NCR3LG1: variants seen among roughly 807,000 people sequenced by gnomAD.
The protein encoded by NCR3LG1 is natural killer cell cytotoxicity receptor 3 ligand 1.
Under a neutral mutation model 34.8 loss-of-function variants are expected in NCR3LG1, and 35 were observed. The observed-to-expected ratio is 1.01, with a 90% CI of 0.77 to 1.33. The LOEUF (loss-of-function observed/expected upper bound fraction) is 1.33. Ranked by LOEUF, NCR3LG1 falls within the 40% of genes most tolerant of loss-of-function variation. The pLI, the probability that NCR3LG1 is intolerant of heterozygous loss-of-function variation, is 0.00. For synonymous variants in NCR3LG1, 173 were observed against 163.6 expected (o/e 1.06, Z -0.44); for missense variants, 452 against 423.3 (o/e 1.07, Z -0.60).
intron 3 of NCR3LG1, among the ~76,000 whole-genome samples, chr11:17,367,930 T>C (rs1050174339): frequency 6.6e-6 from 1 of 151,918 alleles, no homozygotes; most frequent in East Asian, 1.9e-4. Context: ...GCGATTCTCC[T>C]GCCTCAGCCT....
intron 2 of NCR3LG1, among the ~76,000 whole-genome samples, chr11:17,359,951 G>T (rs1953252223): frequency 6.6e-6 from 1 of 151,052 alleles, no homozygotes; most frequent in African/African-American, 2.4e-5. Flanking sequence ...TGTGTTCATT[G>T]GTTGTCCAGG....
chr11:17,367,478 A>T, intron 3 of NCR3LG1, 131 bp downstream of exon 3: 1 of 794,300 alleles, frequency 1.3e-6, no homozygotes. Flanking sequence ...TGGAAGGACC[A>T]AGCTGGAGTC....
downstream of NCR3LG1, among the ~76,000 whole-genome samples, chr11:17,379,410 G>C (rs1953502342): frequency 6.6e-6 from 1 of 152,228 alleles, no homozygotes. Flanking sequence ...GTCCATTGCT[G>C]TGTAACTTTG....
rs10832778 is a variant in NCR3LG1 at position 17,372,526 on chromosome 11, C to G, written c.*14C>G. ...CCCCTACAGTAAATGCCTGATGGAC[C>G]TGGTGCCACTAGGGTCCAAGTTCCC... On this transcript the variant is annotated 3_prime_UTR_variant, in exon 5 of 5. Transcript: ENST00000338965. 0.65 allele frequency: 439,328 copies of G among 676,062 alleles called. 145,702 individuals carry two copies. The highest frequency in any genetic ancestry group is 0.93 in the African/African-American group (52,490 of 56,412). The allele number at this position is 676,062 out of a possible 1,614,324, so 41.9% of individuals were successfully genotyped here.
intron 2 of NCR3LG1, among the ~76,000 whole-genome samples, chr11:17,357,874 T>G (rs1953229026): frequency 6.6e-6 from 1 of 151,846 alleles, no homozygotes; most frequent in Non-Finnish European, 1.5e-5. Flanking sequence ...GCCTGGCGAA[T>G]TTTTACATTT....
chr11:17,357,324 G>A (rs1239301966), intron 2 of NCR3LG1, among the ~76,000 whole-genome samples: 1 of 152,132 alleles, frequency 6.6e-6, no homozygotes, highest in Non-Finnish European at 1.5e-5. Context: ...TTTCCTTTGT[G>A]CCTATATCTG....
chr11:17,367,014 C>T lies in NCR3LG1; in HGVS notation c.427C>T (p.Pro143Ser). 1.3e-6 allele frequency: 2 copies of T among 1,530,708 alleles called. No homozygotes were observed. The highest frequency in any genetic ancestry group is 1.2e-5 in the South Asian group (1 of 83,800). The allele number at this position is 1,530,708 out of a possible 1,614,324, so 94.8% of individuals were successfully genotyped here. ...TGATTTTTTTTCCCTGACAGCTTCC[C>T]CAGCCAGCAGATTGTTGCTGGATCA... ...GTVQLEVVAS[P>S]ASRLLLDQVG... Residue 143 changes from proline to serine, a missense_variant, in exon 3 of 5, where the codon CCA becomes TCA. Transcript: ENST00000338965.
chr11:17,377,822 T>C (rs1409050750), downstream of NCR3LG1, among the ~76,000 whole-genome samples: 1 of 152,212 alleles, frequency 6.6e-6, no homozygotes, highest in Non-Finnish European at 1.5e-5. Flanking sequence ...TCCACTGATA[T>C]GGCAGCATCA....
chr11:17,368,027 A>G (rs1396826757), intron 3 of NCR3LG1, among the ~76,000 whole-genome samples: 1 of 152,110 alleles, frequency 6.6e-6, no homozygotes, highest in East Asian at 1.9e-4. Flanking sequence ...TATGTTGGTC[A>G]GACTGGTCTC....
In NCR3LG1 at chr11:17,362,534, T is replaced by TA. The variant is rs376094546; in HGVS notation, c.422-4469dup. ...TACTTCTACTTTCTGGAAGAAATTG[T>TA]AAAAAACTGGCATTATTTATTCCTT... On this transcript the variant is annotated intron_variant, in intron 2 of 4. Coordinates refer to ENST00000338965, the MANE Select transcript of NCR3LG1 (RefSeq NM_001202439.3). Among the ~76,000 whole-genome samples the TA allele has an allele frequency of 5.2e-3, 790 of 152,236 alleles. 14 individuals carry two copies. The highest frequency in any genetic ancestry group is 0.018 in the African/African-American group (752 of 41,558).
At chr11:17,358,908 A>C (rs1331813056) in intron 2 of NCR3LG1, among the ~76,000 whole-genome samples, 1 of 152,140 alleles carries the variant, frequency 6.6e-6, no homozygotes, top group Admixed American at 6.6e-5. Flanking sequence ...CAATCATTGT[A>C]AGATTTTGTT....
Position 17,356,861 on chromosome 11 carries a change from TTG to T in NCR3LG1, c.285_286del (p.Pro97MetfsTer26). 1 of 1,536,104 alleles carries T rather than the reference TTG, an allele frequency of 6.5e-7. No individual in the cohort carries two copies. Among genetic ancestry groups the T allele is most frequent in the Non-Finnish European group, 8.7e-7 (1 of 1,146,870 alleles). On this transcript the variant is annotated frameshift_variant, in exon 2 of 5. Coordinates refer to ENST00000338965, the MANE Select transcript of NCR3LG1 (RefSeq NM_001202439.3). LOFTEE classifies it high-confidence loss of function. ...CAAGAGGCATTCCGACCTGGAGCCA[TTG>T]TGTCTCCATGGAGGCTGAAGAGTGG...
At chr11:17,360,158 G>A (rs565052349) in intron 2 of NCR3LG1, among the ~76,000 whole-genome samples, 2 of 152,082 alleles carry the variant, frequency 1.3e-5, no homozygotes, top group Non-Finnish European at 2.9e-5. Context: ...TGCGTGTCTC[G>A]GCCTCCCAAA....
rs907084677 is a variant in NCR3LG1 at position 17,372,253 on chromosome 11, C to G, written c.1106C>G (p.Ala369Gly). ...TGGTCCGAGGTTCCTTATGTGCAAGCCTTCTTTGCCTTGCGAGACAACCCA... is the reference window on the plus strand; with the variant it reads ...TGGTCCGAGGTTCCTTATGTGCAAGGCTTCTTTGCCTTGCGAGACAACCCA... ...GKWSEVPYVQAFFALRDNPDL... is the reference protein window; with the variant it reads ...GKWSEVPYVQGFFALRDNPDL... The change falls in exon 5 of 5, where the codon GCC (alanine) becomes GGC (glycine). Residue 369 changes from alanine (A) to glycine (G), a missense_variant. By Grantham distance (60) the Ala-to-Gly change is moderately conservative. Transcript: ENST00000338965. 5 of 703,014 alleles carry G rather than the reference C, an allele frequency of 7.1e-6. No individual in the cohort carries two copies. The highest frequency in any genetic ancestry group is 1.3e-5 in the Non-Finnish European group (5 of 385,050). The allele number at this position is 703,014 out of a possible 1,614,324, so 43.5% of individuals were successfully genotyped here.
chr11:17,369,681 C>T (rs1452206524), intron 4 of NCR3LG1, among the ~76,000 whole-genome samples: 2 of 152,248 alleles, frequency 1.3e-5, no homozygotes, highest in East Asian at 3.9e-4. Flanking sequence ...AGAAAAATGG[C>T]CCTTTATCTA....
At chr11:17,379,777 T>C (rs753967766), downstream of NCR3LG1, among the ~76,000 whole-genome samples, 1 of 152,258 alleles carries the variant, frequency 6.6e-6, no homozygotes, top group Admixed American at 6.5e-5. Flanking sequence ...AAATGTTTTT[T>C]AAAGCCACTG....
Position 17,352,032 on chromosome 11 carries a change from G to T in NCR3LG1, c.63G>T (p.Thr21=). Residue 21 remains threonine (T), a synonymous_variant, in exon 1 of 5, where the codon ACG becomes ACT. Transcript: ENST00000338965. The part of the protein sequence containing the change: ...AALLILLWAL[T]TEGDLKVEMM... Reference sequence around the variant, plus strand: ...TCCTGATTCTGCTGTGGGCGCTGACGACCGAAGGTAGGGGGCGGCTGGGGT... The same window carrying T: ...TCCTGATTCTGCTGTGGGCGCTGACTACCGAAGGTAGGGGGCGGCTGGGGT... The T allele has an allele frequency of 5.0e-6, 3 of 598,398 alleles. No individual in the cohort carries two copies. The highest frequency in any genetic ancestry group is 1.9e-4 in the East Asian group (2 of 10,330). 37.1% of individuals were successfully genotyped at this position (598,398 alleles called of 1,614,324 possible).
At chr11:17,362,285 T>A (rs189701873) in intron 2 of NCR3LG1, among the ~76,000 whole-genome samples, 23 of 152,364 alleles carry the variant, frequency 1.5e-4, no homozygotes, top group African/African-American at 5.5e-4. Context: ...AATTTTTGAA[T>A]GATAAGCCAG....
At chr11:17,366,120 G>A (rs1953341837) in intron 2 of NCR3LG1, among the ~76,000 whole-genome samples, 1 of 152,150 alleles carries the variant, frequency 6.6e-6, no homozygotes, top group South Asian at 2.1e-4. Flanking sequence ...TTTGGAAATG[G>A]CAGTTTATTT....
Sources: gnomAD v4.1 joint callset for allele counts (sites outside exome capture counted in the v4.1 genomes callset) on GRCh38, gnomAD v4.1.1 for gene constraint, MANE v1.5 for transcripts, NCBI Gene and HGNC (gene_info 2026-07-23, HGNC 2026-07-21) for gene names.